PUDP: variants seen among roughly 807,000 people sequenced by gnomAD.
The protein encoded by PUDP is pseudouridine-5'-phosphatase.
A neutral mutation model predicts 9.4 loss-of-function variants in PUDP; 8 were observed. The observed-to-expected ratio is 0.85, with a 90% confidence interval of 0.50 to 1.53. The LOEUF is 1.53. Among genes scored for constraint, PUDP ranks in the 40% most tolerant of loss-of-function variants. The pLI, the probability that PUDP is intolerant of heterozygous loss-of-function variation, is 0.00. For missense variants in PUDP, 188 were observed against 189.7 expected (o/e 0.99, Z 0.05); for synonymous variants, 99 against 80.7 (o/e 1.23, Z -1.22).
chrX:7,134,650 A>G (rs1419349312), intron 1 of PUDP, among the ~76,000 whole-genome samples: 1 of 112,244 alleles, frequency 8.9e-6, no homozygotes, highest in Non-Finnish European at 1.9e-5. Context: ...CAGGTATTGT[A>G]ATGGCAAAAA....
chrX:6,756,567 G>A (rs1159456152), intron 3 of PUDP, among the ~76,000 whole-genome samples: 1 of 112,148 alleles, frequency 8.9e-6, no homozygotes, highest in Non-Finnish European at 1.9e-5. Context: ...TTAATGATAT[G>A]TGGTTCATAT....
chrX:7,148,115 G>A lies in PUDP; in HGVS notation c.-2C>T. On this transcript the variant is annotated 5_prime_UTR_variant, in exon 1 of 4. Transcript: ENST00000381077. ...GACGGGCTGCGGGGGCGCCGCCATG[G>A]TGGCGCCTTCTGGGTCTGGGTGGGG... The A allele has an allele frequency of 8.9e-7, 1 of 1,127,353 alleles. No individual in the cohort carries two copies. The highest frequency in any genetic ancestry group is 1.2e-6 in the Non-Finnish European group (1 of 850,259). 92.9% of individuals were successfully genotyped at this position (1,127,353 alleles called of 1,213,427 possible). A position where few individuals can be genotyped will look rare whatever the true frequency, so the allele number is the denominator to read the frequency against.
chrX:6,776,129 A>G (rs1313807091), intron 3 of PUDP, among the ~76,000 whole-genome samples: 1 of 111,742 alleles, frequency 8.9e-6, no homozygotes, highest in Admixed American at 9.5e-5. Flanking sequence ...TGTGGACAGC[A>G]CTATCCTGCA....
intron 1 of PUDP, among the ~76,000 whole-genome samples, chrX:7,008,270 A>AT (rs767510574): frequency 3.7e-4 from 41 of 111,354 alleles, no homozygotes; most frequent in African/African-American, 1.3e-3. Context: ...GGCCAAAAAA[A>AT]TTTTTTTTAA....
intron 3 of PUDP, among the ~76,000 whole-genome samples, chrX:6,897,146 G>A (rs1263111748): frequency 1.8e-5 from 2 of 111,443 alleles, no homozygotes; most frequent in Non-Finnish European, 3.8e-5. Flanking sequence ...AGGAGTAGAA[G>A]TCAGCAAGTC....
chrX:6,802,916 C>A (rs767748434), intron 3 of PUDP, among the ~76,000 whole-genome samples: 10 of 3,571 alleles, frequency 2.8e-3, no homozygotes, highest in Admixed American at 5.3e-3. Flanking sequence ...CATAACATAA[C>A]ATAACATAAC....
chrX:6,774,066 G>A (rs979187479), intron 3 of PUDP, among the ~76,000 whole-genome samples: 5 of 111,575 alleles, frequency 4.5e-5, no homozygotes, highest in African/African-American at 1.6e-4. Flanking sequence ...TTGAACCCAG[G>A]AGGAAGAGTT....
At chrX:6,761,965 G>A (rs1040287235) in intron 3 of PUDP, among the ~76,000 whole-genome samples, 2 of 111,914 alleles carry the variant, frequency 1.8e-5, no homozygotes, top group African/African-American at 3.3e-5. Context: ...TGAGAAGGGT[G>A]GATGGCTTTG....
chrX:7,069,423 G>C (rs1022295483), intron 3 of PUDP, among the ~76,000 whole-genome samples: 1 of 110,925 alleles, frequency 9.0e-6, no homozygotes, highest in Non-Finnish European at 1.9e-5. Flanking sequence ...GATAAAGGCA[G>C]GACCTGAGAA....
rs1396093625 is a variant in PUDP at position 7,017,793 on chromosome X, A to T, written c.205-39450T>A. 8.9e-5 allele frequency among the ~76,000 whole-genome samples: 10 copies of T among 112,184 alleles called. No homozygotes were observed. In the Admixed American group the frequency reaches 9.4e-4, roughly 11 times the overall value. ...GAGGTGTTTGAACCAGAGCAACTGC[A>T]TCTTGAATAGGAGCAGGGTAAAATG... is the stretch of plus-strand genomic sequence containing the variant. On this transcript the variant is annotated intron_variant and NMD_transcript_variant, in intron 1 of 3. Transcript: ENST00000655425.
Position 7,036,732 on chromosome X carries a change from C to T in PUDP, c.204+40488G>A, listed in dbSNP as rs765914679. Among the ~76,000 whole-genome samples, 105 of 111,305 alleles carry T rather than the reference C, an allele frequency of 9.4e-4. 4 individuals are homozygous for T. The highest frequency in any genetic ancestry group is 4.6e-3 in the Middle Eastern group (1 of 219). ...TCTCTCTGAGATTCTGAGGCTCTGCCTATTCCGTTTTTATTCTCATTTGTT... is the reference window on the plus strand; with the variant it reads ...TCTCTCTGAGATTCTGAGGCTCTGCTTATTCCGTTTTTATTCTCATTTGTT... On this transcript the variant is annotated intron_variant and NMD_transcript_variant, in intron 1 of 3. Coordinates refer to the PUDP transcript ENST00000655425.
At chrX:6,822,470 A>G (rs1926356900) in intron 3 of PUDP, among the ~76,000 whole-genome samples, 1 of 112,202 alleles carries the variant, frequency 8.9e-6, no homozygotes, top group Non-Finnish European at 1.9e-5. Context: ...TCTATCGTCC[A>G]GGCTGGAGTG....
At chrX:6,910,041 G>A (rs778911955) in intron 3 of PUDP, among the ~76,000 whole-genome samples, 2 of 111,954 alleles carry the variant, frequency 1.8e-5, no homozygotes, top group South Asian at 7.4e-4. Flanking sequence ...CATCACTATG[G>A]GGAAGAGAGT....
intron 1 of PUDP, among the ~76,000 whole-genome samples, chrX:7,037,263 G>A (rs1929866038): frequency 9.0e-6 from 1 of 111,525 alleles, no homozygotes; most frequent in African/African-American, 3.3e-5. Context: ...CATCTTCCAG[G>A]CTCACAAGGA....
chrX:6,723,457 AAAGAG>A (rs1924699746), upstream of PUDP, among the ~76,000 whole-genome samples: 3 of 104,390 alleles, frequency 2.9e-5, no homozygotes, highest in African/African-American at 1.1e-4. Context: ...AAAAAAAAAA[AAAGAG>A]AAGAAAAAAA....
At chrX:7,102,365 G>A (rs1239962879) in intron 2 of PUDP, among the ~76,000 whole-genome samples, 2 of 99,229 alleles carry the variant, frequency 2.0e-5, no homozygotes, top group South Asian at 4.5e-4. Context: ...GAAAGAAAAC[G>A]CATTTGAAAA....
At chrX:7,111,931 G>C (rs1193919449) in intron 1 of PUDP, among the ~76,000 whole-genome samples, 1 of 109,440 alleles carries the variant, frequency 9.1e-6, no homozygotes, top group African/African-American at 3.3e-5. Flanking sequence ...CAACGCTCCA[G>C]TAAGAGCAAA....
chrX:6,838,657 T>C (rs1415771799), intron 3 of PUDP, among the ~76,000 whole-genome samples: 1 of 112,092 alleles, frequency 8.9e-6, no homozygotes, highest in Non-Finnish European at 1.9e-5. Flanking sequence ...ATACAGGAGG[T>C]CCAGCTGGAT....
chrX:7,050,918 A>G (rs1930082172), intron 3 of PUDP, among the ~76,000 whole-genome samples: 1 of 112,468 alleles, frequency 8.9e-6, no homozygotes, highest in African/African-American at 3.2e-5. Context: ...TTAAATGGTT[A>G]GAATCTTTTA....
Sources: gnomAD v4.1 joint callset for allele counts (sites outside exome capture counted in the v4.1 genomes callset) on GRCh38, gnomAD v4.1.1 for gene constraint, MANE v1.5 for transcripts, NCBI Gene and HGNC (gene_info 2026-07-23, HGNC 2026-07-21) for gene names.